Variants in FRMD6 observed in about 807,000 individuals in gnomAD.
FRMD6 encodes FERM domain-containing protein 6.
In FRMD6, 37 loss-of-function variants were observed where a neutral mutation model predicts 73.2. That is an observed-to-expected ratio of 0.51 (90% confidence interval 0.39 to 0.66). The LOEUF (loss-of-function observed/expected upper bound fraction) is 0.66. FRMD6 is among the 30% of genes least tolerant of loss of function. The pLI, the probability that FRMD6 is intolerant of heterozygous loss-of-function variation, is 0.00. For missense variants in FRMD6, 714 were observed against 780.5 expected (o/e 0.91, Z 1.02); for synonymous variants, 273 against 282.2 (o/e 0.97, Z 0.33).
At chr14:51,643,437 T>C (rs1891902669) in intron 2 of FRMD6, 1 of 152,364 alleles carries the variant, frequency 6.6e-6, no homozygotes, top group South Asian at 2.1e-4. Context: ...AACTCATTTA[T>C]TCAATTTTCT....
At chr14:51,699,294 C>G (rs888906135) in intron 3 of FRMD6, among the ~76,000 whole-genome samples, 3 of 152,054 alleles carry the variant, frequency 2.0e-5, no homozygotes, top group African/African-American at 7.2e-5. Flanking sequence ...TTGCTAAGCT[C>G]CATCCTTGTG....
intron 2 of FRMD6, among the ~76,000 whole-genome samples, chr14:51,616,488 C>T (rs1010918422): frequency 2.0e-5 from 3 of 152,104 alleles, no homozygotes; most frequent in South Asian, 2.1e-4. Context: ...AGCTGTGAGG[C>T]GGTCTTAAAG....
rs74052655 is a variant in FRMD6 at position 51,656,319 on chromosome 14, T to A, written c.-147+4323T>A. Among the ~76,000 whole-genome samples the A allele has an allele frequency of 6.7e-3, 1,015 of 152,334 alleles. 12 individuals carry two copies. Among genetic ancestry groups the A allele is most frequent in the African/African-American group, 0.023 (964 of 41,570 alleles). On this transcript the variant is annotated intron_variant, in intron 1 of 13. Transcript: ENST00000344768. Reference sequence around the variant, plus strand: ...TCAAGTCAAGAAGAGAAAAATGTGCTGAAACAAATTCACAGATGAACCAAA... The same window carrying A: ...TCAAGTCAAGAAGAGAAAAATGTGCAGAAACAAATTCACAGATGAACCAAA...
intron 1 of FRMD6, among the ~76,000 whole-genome samples, chr14:51,680,027 C>A (rs931758519): frequency 1.3e-5 from 2 of 152,152 alleles, no homozygotes; most frequent in Admixed American, 1.3e-4. Context: ...CTAGAGAAGG[C>A]GATTCATTGG....
chr14:51,457,188 C>T, the FRMD6 span, among the ~76,000 whole-genome samples: 1 of 152,194 alleles, frequency 6.6e-6, no homozygotes, highest in Non-Finnish European at 1.5e-5. Flanking sequence ...TATGTTAAAT[C>T]CCCTAATTTG....
chr14:51,443,076 TTACG>T, the FRMD6 span, among the ~76,000 whole-genome samples: 1 of 152,208 alleles, frequency 6.6e-6, no homozygotes, highest in South Asian at 2.1e-4. Context: ...GATTTTAATC[TTACG>T]TGCATCATCC....
rs544702291 is a variant in FRMD6, at chr14:51,531,661, C to T, written c.-209-38687C>T. 5.3e-5 allele frequency among the ~76,000 whole-genome samples: 8 copies of T among 152,334 alleles called. No individual in the cohort carries two copies. In the South Asian group the frequency reaches 1.7e-3, roughly 32 times the overall value. ...TAGCACAAAAAATTGAGGAAATATT[C>T]TTCCCGTACTCAACAACTATTATCA... is the stretch of plus-strand genomic sequence containing the variant. On this transcript the variant is annotated intron_variant, in intron 1 of 14. Coordinates refer to the FRMD6 transcript ENST00000356218.
chr14:51,659,816 C>T (rs1024979954), intron 1 of FRMD6, among the ~76,000 whole-genome samples: 1 of 152,160 alleles, frequency 6.6e-6, no homozygotes, highest in African/African-American at 2.4e-5. Context: ...GTTCTTTATT[C>T]CCAACCCCTA....
At chr14:51,646,865 C>G (rs1011253266) in intron 2 of FRMD6, among the ~76,000 whole-genome samples, 2 of 151,942 alleles carry the variant, frequency 1.3e-5, no homozygotes, top group Non-Finnish European at 2.9e-5. Flanking sequence ...TGCCGCTATG[C>G]CTTTCAACTC....
the FRMD6 span, among the ~76,000 whole-genome samples, chr14:51,438,948 C>G: frequency 6.6e-6 from 1 of 152,190 alleles, no homozygotes; most frequent in Non-Finnish European, 1.5e-5. Flanking sequence ...ACTGTCCCAG[C>G]TCTCTGGTGT....
the FRMD6 span, among the ~76,000 whole-genome samples, chr14:51,438,350 T>C: frequency 1.3e-5 from 2 of 152,372 alleles, no homozygotes. Context: ...AAATTTTCTT[T>C]TTGTTTCACT....
intron 2 of FRMD6, among the ~76,000 whole-genome samples, chr14:51,589,141 A>C (rs1359417489): frequency 6.6e-6 from 1 of 152,212 alleles, no homozygotes; most frequent in Non-Finnish European, 1.5e-5. Flanking sequence ...ACCTTGAACT[A>C]AGTATGCAGC....
intron 2 of FRMD6, chr14:51,599,961 G>A (rs984165063): frequency 1.3e-5 from 2 of 150,246 alleles, no homozygotes; most frequent in African/African-American, 4.9e-5. Context: ...TTCAGCTCCC[G>A]ACGGCCAACC....
At chr14:51,582,039 T>A (rs1213454190) in intron 2 of FRMD6, among the ~76,000 whole-genome samples, 1 of 152,234 alleles carries the variant, frequency 6.6e-6, no homozygotes, top group African/African-American at 2.4e-5. Flanking sequence ...TCCTTTAGAA[T>A]AGGACCTGTC....
At chr14:51,662,232 A>G (rs1208800151) in intron 1 of FRMD6, among the ~76,000 whole-genome samples, 1 of 152,200 alleles carries the variant, frequency 6.6e-6, no homozygotes, top group Non-Finnish European at 1.5e-5. Flanking sequence ...AGTACCACAC[A>G]TAAGGTATTC....
At chr14:51,482,540 C>T in the FRMD6 span, among the ~76,000 whole-genome samples, 4 of 152,128 alleles carry the variant, frequency 2.6e-5, no homozygotes, top group Non-Finnish European at 1.5e-5. Context: ...GAGAGAATCA[C>T]CGGGAATAGT....
chr14:51,709,751 A>G (rs1233620168), intron 7 of FRMD6, among the ~76,000 whole-genome samples: 2 of 152,278 alleles, frequency 1.3e-5, no homozygotes, highest in East Asian at 3.9e-4. Flanking sequence ...GACAGTTTTG[A>G]TAATTAGTTT....
chr14:51,714,062 CTA>C (rs1357338873), intron 9 of FRMD6: 1 of 152,152 alleles, frequency 6.6e-6, no homozygotes, highest in African/African-American at 2.4e-5. Flanking sequence ...GATGAGGAAT[CTA>C]TTTTGACAAG....
At chr14:51,619,391 A>G (rs1458650202) in intron 2 of FRMD6, among the ~76,000 whole-genome samples, 1 of 152,074 alleles carries the variant, frequency 6.6e-6, no homozygotes, top group Non-Finnish European at 1.5e-5. Flanking sequence ...AAAAAAAAAA[A>G]AGAGGAAAGG....
Sources: gnomAD v4.1 joint callset for allele counts (sites outside exome capture counted in the v4.1 genomes callset) on GRCh38, gnomAD v4.1.1 for gene constraint, MANE v1.5 for transcripts, NCBI Gene and HGNC (gene_info 2026-07-23, HGNC 2026-07-21) for gene names.